The following N4BP2L2 variants were observed in gnomAD, a reference collection of about 807,000 sequenced individuals.
The protein encoded by N4BP2L2 is NEDD4 binding protein 2 like 2, also known as NEDD4-binding protein 2-like 2.
Under a neutral mutation model 56.2 loss-of-function variants are expected in N4BP2L2, and 50 were observed. That is an observed-to-expected ratio of 0.89 (90% CI 0.71 to 1.13). The LOEUF is 1.13. Among genes scored for constraint, N4BP2L2 ranks in the 50% most tolerant of loss-of-function variants. N4BP2L2 has a pLI of 0.00. For missense variants in N4BP2L2, 689 were observed against 693.8 expected, an observed-to-expected ratio of 0.99 and a Z score of 0.08; for synonymous variants, 203 against 223.6, an observed-to-expected ratio of 0.91 and a Z score of 0.82.
intron 2 of N4BP2L2, among the ~76,000 whole-genome samples, chr13:32,529,824 C>T (rs1336244761): frequency 1.3e-5 from 2 of 151,600 alleles, no homozygotes; most frequent in Non-Finnish European, 2.9e-5. Flanking sequence ...CTCCCAAGTT[C>T]AAGTGGTTCT....
At chr13:32,476,694 C>T (rs2083385501) in intron 6 of N4BP2L2, among the ~76,000 whole-genome samples, 1 of 152,040 alleles carries the variant, frequency 6.6e-6, no homozygotes, top group Non-Finnish European at 1.5e-5. Flanking sequence ...ACATTGGAAA[C>T]ATATAACCAT....
intron 6 of N4BP2L2, among the ~76,000 whole-genome samples, chr13:32,473,405 GTGAACAT>G (rs1190556516): frequency 6.6e-6 from 1 of 152,114 alleles, no homozygotes; most frequent in African/African-American, 2.4e-5. Context: ...AACACAAGGT[GTGAACAT>G]TGACTGGATC....
intron 1 of N4BP2L2, 132 bp from the exon 2 acceptor site, chr13:32,537,159 T>C: frequency 1.6e-6 from 1 of 607,478 alleles, no homozygotes; most frequent in South Asian, 3.6e-5. Context: ...TTTCCCAAAA[T>C]ACCAGTCACT....
Position 32,517,214 on chromosome 13 carries a change from G to A in N4BP2L2, c.*588C>T, listed in dbSNP as rs533064285. 6 of 985,606 alleles carry A rather than the reference G, an allele frequency of 6.1e-6. No individual in the cohort carries two copies. The African/African-American group carries it at 1.0e-4, about 17-fold the overall frequency. The allele number at this position is 985,606 out of a possible 1,614,324, so 61.1% of individuals were successfully genotyped here. On this transcript the variant is annotated 3_prime_UTR_variant, in exon 6 of 6. Transcript: ENST00000267068. The stretch of plus-strand genomic sequence containing the variant: ...ACAAGATGAATATGCATATTATGAA[G>A]AAAACTCCCCAGGTGACTGATATAC...
intron 6 of N4BP2L2, among the ~76,000 whole-genome samples, chr13:32,501,917 G>C (rs2090085739): frequency 6.6e-6 from 1 of 152,084 alleles, no homozygotes; most frequent in Admixed American, 6.5e-5. Flanking sequence ...AACCTTGCCA[G>C]TATTCATGAT....
chr13:32,442,418 T>C (rs966259999), exon 7 of N4BP2L2: 6 of 1,601,328 alleles, frequency 3.7e-6, no homozygotes, highest in East Asian at 2.2e-5. Flanking sequence ...CCAAAAAGCT[T>C]TACTAATTGA....
intron 6 of N4BP2L2, among the ~76,000 whole-genome samples, chr13:32,494,109 TAAAAATAAAA>T (rs1015259608): frequency 9.2e-5 from 14 of 151,540 alleles, no homozygotes; most frequent in Non-Finnish European, 1.2e-4. Context: ...CCATGTCTAC[TAAAAATAAAA>T]AAAAATAAAA....
chr13:32,451,315 G>C (rs770430668), intron 6 of N4BP2L2, among the ~76,000 whole-genome samples: 10 of 151,550 alleles, frequency 6.6e-5, no homozygotes, highest in Non-Finnish European at 1.5e-4. Flanking sequence ...ATTCTTTTAA[G>C]TAGAAGAAAG....
chr13:32,461,498 A>G (rs1486359678), intron 6 of N4BP2L2, among the ~76,000 whole-genome samples: 1 of 152,262 alleles, frequency 6.6e-6, no homozygotes, highest in Non-Finnish European at 1.5e-5. Context: ...AAAAGAAGAT[A>G]TACAAATGGC....
chr13:32,537,093 A>G, intron 1 of N4BP2L2, 66 bp from the exon 2 acceptor site: 1 of 1,112,178 alleles, frequency 9.0e-7, no homozygotes, highest in Non-Finnish European at 1.2e-6. Context: ...AATTTTCTTC[A>G]AAAACAAGAA....
intron 6 of N4BP2L2, among the ~76,000 whole-genome samples, chr13:32,447,472 C>A (rs2077212412): frequency 6.6e-6 from 1 of 152,038 alleles, no homozygotes. Context: ...GAAAAATAAG[C>A]AAGATTTGAA....
chr13:32,441,411 T>C (rs2138262631), intron 7 of N4BP2L2, among the ~76,000 whole-genome samples: 1 of 152,256 alleles, frequency 6.6e-6, no homozygotes, highest in Non-Finnish European at 1.5e-5. Context: ...TCTGGTGGCC[T>C]GGTGGTTCAG....
At chr13:32,475,600 C>T (rs566668234) in intron 6 of N4BP2L2, among the ~76,000 whole-genome samples, 7 of 152,168 alleles carry the variant, frequency 4.6e-5, no homozygotes, top group African/African-American at 1.4e-4. Flanking sequence ...ATCAGTGCCA[C>T]GTTGTCTGCT....
chr13:32,475,494 C>T (rs1175658650), intron 6 of N4BP2L2, among the ~76,000 whole-genome samples: 1 of 152,140 alleles, frequency 6.6e-6, no homozygotes, highest in Non-Finnish European at 1.5e-5. Flanking sequence ...ACATAGGGCT[C>T]ATAGATTGGT....
chr13:32,474,194 T>A (rs1485098621), intron 6 of N4BP2L2, among the ~76,000 whole-genome samples: 3 of 152,156 alleles, frequency 2.0e-5, no homozygotes. Context: ...TAGATATTCA[T>A]ATATACATAT....
chr13:32,466,106 G>A (rs1421334301), intron 6 of N4BP2L2, among the ~76,000 whole-genome samples: 2 of 152,128 alleles, frequency 1.3e-5, no homozygotes, highest in Non-Finnish European at 2.9e-5. Flanking sequence ...TGGCTACAGG[G>A]CATTCTTCAG....
At chr13:32,517,441 GAA>G (rs1473079902) in exon 6 of N4BP2L2, 2 of 997,038 alleles carry the variant, frequency 2.0e-6, no homozygotes, top group African/African-American at 3.5e-5. Context: ...AAAGTTTTAT[GAA>G]AAGTTAGATT....
chr13:32,485,662 T>C (rs2085700069), intron 6 of N4BP2L2, among the ~76,000 whole-genome samples: 1 of 152,186 alleles, frequency 6.6e-6, no homozygotes, highest in Admixed American at 6.5e-5. Context: ...TAATAAACCA[T>C]ATCAGTAGAA....
intron 3 of N4BP2L2, chr13:32,522,626 G>C (rs1441911423): frequency 6.4e-6 from 1 of 156,530 alleles, no homozygotes; most frequent in Non-Finnish European, 1.4e-5. Flanking sequence ...TAAGAGAAGA[G>C]GTGAAAAATT....
Sources: gnomAD v4.1 joint callset for allele counts (sites outside exome capture counted in the v4.1 genomes callset) on GRCh38, gnomAD v4.1.1 for gene constraint, MANE v1.5 for transcripts, NCBI Gene and HGNC (gene_info 2026-07-23, HGNC 2026-07-21) for gene names.